GSK3B: variants seen among roughly 807,000 people sequenced by gnomAD.
GSK3B encodes glycogen synthase kinase-3 beta.
A neutral mutation model predicts 56.4 loss-of-function variants in GSK3B; 15 were observed. The ratio of observed to expected loss-of-function variants is 0.27; its 90% CI spans 0.18 to 0.41. GSK3B has a LOEUF of 0.41. Among genes scored for constraint, GSK3B ranks in the 10% least tolerant of loss-of-function variants. The pLI is 1.00. For missense variants in GSK3B, 300 were observed against 513.4 expected (o/e 0.58, Z 4.02); for synonymous variants, 181 against 188.9 (o/e 0.96, Z 0.34).
intron 7 of GSK3B, among the ~76,000 whole-genome samples, chr3:119,882,991 T>C (rs985514466): frequency 2.6e-5 from 4 of 152,174 alleles, no homozygotes; most frequent in African/African-American, 9.6e-5. Flanking sequence ...CTATAAATTA[T>C]TTTAAAAAGC....
At chr3:119,954,222 GAGAATAGAATAGAATAGAATAGAAT>G (rs1262281777) in intron 2 of GSK3B, among the ~76,000 whole-genome samples, 6,003 of 101,412 alleles carry the variant, frequency 0.059, 173 homozygotes, top group Middle Eastern at 0.069. Context: ...AGTGTGGAAG[GAGAATAGAATAGAATAGAATAGAAT>G]AGAATAGAAT....
intron 1 of GSK3B, among the ~76,000 whole-genome samples, chr3:120,018,585 T>C (rs576652957): frequency 1.3e-5 from 2 of 152,318 alleles, no homozygotes; most frequent in South Asian, 4.1e-4. Context: ...CCTCATCCAA[T>C]TCCTAAGTTT....
chr3:119,847,041 AAAACC>A (rs1440843301), intron 9 of GSK3B, among the ~76,000 whole-genome samples: 1 of 152,212 alleles, frequency 6.6e-6, no homozygotes, highest in African/African-American at 2.4e-5. Flanking sequence ...ACAGGAACAG[AAAACC>A]AAACATGGCA....
chr3:120,075,963 A>G (rs1418421518), intron 1 of GSK3B, among the ~76,000 whole-genome samples: 2 of 152,172 alleles, frequency 1.3e-5, no homozygotes, highest in African/African-American at 2.4e-5. Flanking sequence ...ACGCTTCCTG[A>G]GTTAAAATTA....
At chr3:119,956,345 A>T (rs1432502852) in intron 2 of GSK3B, among the ~76,000 whole-genome samples, 3 of 152,232 alleles carry the variant, frequency 2.0e-5, no homozygotes, top group African/African-American at 4.8e-5. Context: ...GGTGGTTCAG[A>T]AGCCATAGGA....
At chr3:119,831,539 C>T (rs1481406556) in intron 10 of GSK3B, among the ~76,000 whole-genome samples, 2 of 151,756 alleles carry the variant, frequency 1.3e-5, no homozygotes, top group Admixed American at 6.6e-5. Context: ...CGCCTGTAGT[C>T]CCAGCTATTC....
chr3:119,935,615 T>C (rs574887514), intron 3 of GSK3B, among the ~76,000 whole-genome samples: 1 of 152,328 alleles, frequency 6.6e-6, no homozygotes, highest in South Asian at 2.1e-4. Context: ...TTTAAAATAC[T>C]CTGTACTCCT....
intron 2 of GSK3B, among the ~76,000 whole-genome samples, chr3:119,992,479 T>C (rs1192219692): frequency 6.6e-6 from 1 of 152,040 alleles, no homozygotes; most frequent in African/African-American, 2.4e-5. Flanking sequence ...GGATCAGGGA[T>C]CTAAATGCAA....
chr3:120,028,679 G>A (rs1217636225), intron 1 of GSK3B: 4 of 407,488 alleles, frequency 9.8e-6, no homozygotes, highest in Non-Finnish European at 1.9e-5. Context: ...ATGTTATTCA[G>A]TTCCTCCACA....
At chr3:119,969,548 T>A (rs1393726512) in intron 2 of GSK3B, among the ~76,000 whole-genome samples, 1 of 152,156 alleles carries the variant, frequency 6.6e-6, no homozygotes, top group Non-Finnish European at 1.5e-5. Flanking sequence ...CATCACAGTA[T>A]TGAACAACAG....
chr3:120,082,243 C>G (rs540928140), intron 1 of GSK3B, among the ~76,000 whole-genome samples: 10 of 152,188 alleles, frequency 6.6e-5, no homozygotes, highest in African/African-American at 2.4e-4. Flanking sequence ...TTAAACCACA[C>G]ACACCTTTTC....
intron 7 of GSK3B, among the ~76,000 whole-genome samples, chr3:119,880,464 G>A (rs2056367691): frequency 6.6e-6 from 1 of 151,978 alleles, no homozygotes; most frequent in Non-Finnish European, 1.5e-5. Context: ...TCTTGATGTG[G>A]TCCCTATGTG....
chr3:120,056,829 G>A (rs565045178), intron 1 of GSK3B, among the ~76,000 whole-genome samples: 2 of 152,202 alleles, frequency 1.3e-5, no homozygotes, highest in South Asian at 4.1e-4. Context: ...TACACAAGGG[G>A]CCAATATACA....
At chr3:119,876,375 A>C (rs1313457203) in intron 8 of GSK3B, 38 bp downstream of exon 8, 4 of 1,042,614 alleles carry the variant, frequency 3.8e-6, no homozygotes, top group Non-Finnish European at 6.0e-6. Context: ...GTTTTAGTTA[A>C]CTACTGATTA....
intron 1 of GSK3B, among the ~76,000 whole-genome samples, chr3:120,067,621 C>T (rs182478390): frequency 6.6e-6 from 1 of 152,260 alleles, no homozygotes; most frequent in Non-Finnish European, 1.5e-5. Flanking sequence ...ATCATGAATT[C>T]GGGATCACCT....
At chr3:120,009,930 T>C (rs1164639787) in intron 1 of GSK3B, among the ~76,000 whole-genome samples, 1 of 152,176 alleles carries the variant, frequency 6.6e-6, no homozygotes, top group East Asian at 1.9e-4. Flanking sequence ...AGGCAGTCTA[T>C]ATTTATCATG....
At chr3:120,036,436 C>G (rs947552069) in intron 1 of GSK3B, among the ~76,000 whole-genome samples, 1 of 152,112 alleles carries the variant, frequency 6.6e-6, no homozygotes, top group Non-Finnish European at 1.5e-5. Flanking sequence ...ATTAAAGTAT[C>G]TAAGAGAAGG....
chr3:119,861,555 C>T (rs748833905), intron 9 of GSK3B, among the ~76,000 whole-genome samples: 2 of 150,988 alleles, frequency 1.3e-5, no homozygotes, highest in Non-Finnish European at 3.0e-5. Flanking sequence ...ACAAAAAAAC[C>T]AAAAAACAAC....
At chr3:119,960,278 G>T (rs952748970) in intron 2 of GSK3B, among the ~76,000 whole-genome samples, 4 of 152,034 alleles carry the variant, frequency 2.6e-5, no homozygotes, top group Non-Finnish European at 2.9e-5. Flanking sequence ...ACTGCCAGGG[G>T]TTACACTGGG....
Sources: allele counts gnomAD v4.1 joint callset (sites outside exome capture counted in the v4.1 genomes callset), GRCh38; gene constraint gnomAD v4.1.1; transcripts MANE v1.5; gene names NCBI Gene and HGNC (gene_info 2026-07-23, HGNC 2026-07-21).